The following SNX29 variants were observed in gnomAD, a reference collection of about 807,000 sequenced individuals.
SNX29 encodes the protein sorting nexin 29.
In SNX29, 78 loss-of-function variants were observed where a neutral mutation model predicts 102.1. The ratio of observed to expected loss-of-function variants is 0.76; its 90% confidence interval spans 0.64 to 0.92. The LOEUF is 0.92. Among genes scored for constraint, SNX29 ranks in the 40% least tolerant of loss-of-function variants. The pLI is 0.00. For synonymous variants in SNX29, 580 were observed against 414.5 expected, an observed-to-expected ratio of 1.40 and a Z score of -4.85; for missense variants, 1,280 against 1,061.7, an observed-to-expected ratio of 1.21 and a Z score of -2.86.
At chr16:12,563,403 T>C (rs891059152) in intron 20 of SNX29, among the ~76,000 whole-genome samples, 13 of 152,222 alleles carry the variant, frequency 8.5e-5, no homozygotes, top group Non-Finnish European at 1.0e-4. Context: ...TGAAAATAGA[T>C]GGCGACTGGA....
At chr16:12,531,503 C>T (rs1449791598) in intron 20 of SNX29, among the ~76,000 whole-genome samples, 2 of 152,146 alleles carry the variant, frequency 1.3e-5, no homozygotes, top group Non-Finnish European at 2.9e-5. Flanking sequence ...GGACGTGGGG[C>T]CCCACTGTCT....
At chr16:12,010,446 AC>A (rs1435601362) in intron 3 of SNX29, among the ~76,000 whole-genome samples, 2 of 151,850 alleles carry the variant, frequency 1.3e-5, no homozygotes, top group Non-Finnish European at 2.9e-5. Context: ...ACATGGCGAA[AC>A]CCCATGTCTA....
chr16:12,207,196 C>G (rs2077066448), intron 14 of SNX29, among the ~76,000 whole-genome samples: 1 of 151,862 alleles, frequency 6.6e-6, no homozygotes, highest in South Asian at 2.1e-4. Context: ...TGGTGAAACC[C>G]CATCTCTACT....
rs78642894 is a variant in SNX29, at chr16:12,124,764, C to T, written c.1403-1869C>T. Among the ~76,000 whole-genome samples the T allele has an allele frequency of 8.5e-3, 1,296 of 152,248 alleles. 16 individuals carry two copies. Among genetic ancestry groups the T allele is most frequent in the African/African-American group, 0.03 (1,247 of 41,530 alleles). On this transcript the variant is annotated intron_variant, in intron 11 of 20. Coordinates refer to ENST00000566228, the MANE Select transcript of SNX29 (RefSeq NM_032167.5). ...CTGCTTTTTATCTTAGATCAGTTTC[C>T]ATTGGTTGAAATTGACATTCCCCTG...
chr16:12,159,447 A>G (rs2055690437), intron 13 of SNX29, among the ~76,000 whole-genome samples: 1 of 152,240 alleles, frequency 6.6e-6, no homozygotes. Flanking sequence ...ATCTTGGACC[A>G]GGCGTTTCTC....
At chr16:12,110,821 C>A (rs937444543) in intron 11 of SNX29, among the ~76,000 whole-genome samples, 3 of 151,654 alleles carry the variant, frequency 2.0e-5, no homozygotes, top group Non-Finnish European at 4.4e-5. Flanking sequence ...TGGTGTTTTT[C>A]TTTTTTAATT....
At chr16:12,007,191 A>G (rs1029414785) in intron 3 of SNX29, among the ~76,000 whole-genome samples, 6 of 152,210 alleles carry the variant, frequency 3.9e-5, no homozygotes, top group African/African-American at 7.2e-5. Context: ...AGGCCACATC[A>G]TTGTCCCTAT....
intron 1 of SNX29, among the ~76,000 whole-genome samples, chr16:11,985,986 G>A (rs1026949595): frequency 4.0e-5 from 6 of 151,764 alleles, no homozygotes; most frequent in African/African-American, 1.2e-4. Flanking sequence ...TGTATTTTTC[G>A]TAGAGATGGG....
At chr16:12,220,745 A>G (rs1020795667) in intron 14 of SNX29, among the ~76,000 whole-genome samples, 2 of 152,188 alleles carry the variant, frequency 1.3e-5, no homozygotes, top group South Asian at 4.1e-4. Context: ...ATTCATGAAA[A>G]TGATCTTTTA....
chr16:12,439,014 C>T (rs371743406), intron 18 of SNX29, among the ~76,000 whole-genome samples: 1 of 152,208 alleles, frequency 6.6e-6, no homozygotes, highest in Non-Finnish European at 1.5e-5. Flanking sequence ...TGTCTTCCAT[C>T]GTGGTTGCAC....
At position 12,098,009 on chromosome 16, in the gene SNX29, C is replaced by T. The variant is rs899931813; in HGVS notation, c.1402+19094C>T. On this transcript the variant is annotated intron_variant, in intron 11 of 20. Transcript: ENST00000566228. The surrounding 1 kb of genome is among the most constrained non-coding windows in gnomAD (Gnocchi z 6.0). ...CCTGCAGTCCCACATGAAGGGCTCA[C>T]GTCCTGGCTTTGCCATTTACTTTGT... is the stretch of plus-strand genomic sequence containing the variant. Among the ~76,000 whole-genome samples the T allele has an allele frequency of 3.3e-5, 5 of 152,230 alleles. No individual in the cohort carries two copies. The East Asian group carries it at 7.7e-4, about 23-fold the overall frequency.
intron 14 of SNX29, among the ~76,000 whole-genome samples, chr16:12,245,228 G>T (rs2078226160): frequency 6.6e-6 from 1 of 152,164 alleles, no homozygotes; most frequent in Admixed American, 6.5e-5. Flanking sequence ...CCTATGAGCT[G>T]TGTGACCTCA....
intron 20 of SNX29, among the ~76,000 whole-genome samples, chr16:12,544,014 G>A (rs2077468530): frequency 6.6e-6 from 1 of 152,190 alleles, no homozygotes; most frequent in Admixed American, 6.5e-5. Context: ...AAAAGCCCTG[G>A]ACTCTAGACC....
At chr16:12,278,744 T>A (rs544682398) in intron 15 of SNX29, among the ~76,000 whole-genome samples, 68 of 152,320 alleles carry the variant, frequency 4.5e-4, no homozygotes, top group African/African-American at 1.5e-3. Flanking sequence ...GTGTATAAGA[T>A]GTACAAAAAT....
intron 17 of SNX29, among the ~76,000 whole-genome samples, chr16:12,399,943 A>G (rs75207861): frequency 0.013 from 2,004 of 152,264 alleles, 46 homozygotes; most frequent in African/African-American, 0.045. Context: ...AGTCCCAGAC[A>G]CGAGGCTGGA....
At chr16:12,405,751 T>G (rs1043037854) in intron 18 of SNX29, among the ~76,000 whole-genome samples, 7 of 152,224 alleles carry the variant, frequency 4.6e-5, no homozygotes, top group African/African-American at 1.7e-4. Flanking sequence ...AAAAGTATGC[T>G]GGCCAAGCAT....
intron 14 of SNX29, among the ~76,000 whole-genome samples, chr16:12,227,931 G>T (rs1000235499): frequency 2.4e-5 from 3 of 124,918 alleles, no homozygotes; most frequent in African/African-American, 5.9e-5. Flanking sequence ...AAAAAAGACC[G>T]AAGTGAGGTC....
chr16:12,536,410 C>T (rs1441581913), intron 20 of SNX29, among the ~76,000 whole-genome samples: 2 of 151,888 alleles, frequency 1.3e-5, no homozygotes, highest in African/African-American at 2.4e-5. Flanking sequence ...GCAGAATGGC[C>T]TCATCAGTAA....
At chr16:12,554,775 C>G (rs1045277763) in intron 20 of SNX29, among the ~76,000 whole-genome samples, 2 of 150,092 alleles carry the variant, frequency 1.3e-5, no homozygotes, top group East Asian at 3.9e-4. Context: ...CTCTCCCCCG[C>G]CATAGAATGC....
Sources: allele counts gnomAD v4.1 joint callset (sites outside exome capture counted in the v4.1 genomes callset), GRCh38; gene constraint gnomAD v4.1.1; non-coding constraint Gnocchi (gnomAD v3.1); transcripts MANE v1.5; gene names NCBI Gene and HGNC (gene_info 2026-07-23, HGNC 2026-07-21).